The following DHRS3 variants were observed in gnomAD, a reference collection of about 807,000 sequenced individuals.
DHRS3 encodes short-chain dehydrogenase/reductase 3.
A neutral mutation model predicts 27.2 loss-of-function variants in DHRS3; 14 were observed. That is an observed-to-expected ratio of 0.52 (90% confidence interval 0.34 to 0.81). DHRS3 has a LOEUF of 0.81. Ranked by LOEUF, DHRS3 falls within the 30% of genes least tolerant of loss-of-function variation. The probability of loss-of-function intolerance (pLI) is 0.01; values close to 1 mark genes in which losing one functional copy is unlikely to be tolerated. For synonymous variants in DHRS3, 165 were observed against 175.9 expected (o/e 0.94, Z 0.49); for missense variants, 322 against 406.2 (o/e 0.79, Z 1.78).
At chr1:12,615,446 C>T (rs1230836528) in intron 1 of DHRS3, among the ~76,000 whole-genome samples, 1 of 152,220 alleles carries the variant, frequency 6.6e-6, no homozygotes, top group Non-Finnish European at 1.5e-5. Flanking sequence ...GGTGCGTGAA[C>T]TTGCAGGCTC....
intron 1 of DHRS3, among the ~76,000 whole-genome samples, chr1:12,595,687 AGGAAGGCCGAGGTGCG>A (rs1646790458): frequency 6.9e-6 from 1 of 143,960 alleles, no homozygotes; most frequent in South Asian, 2.2e-4. Flanking sequence ...CGGGCGGCGA[AGGAAGGCCGAGGTGCG>A]GTCAGGGTGC....
Position 12,580,663 on chromosome 1 carries a change from C to A in DHRS3, c.199G>T (p.Val67Phe). Residue 67 changes from valine to phenylalanine, a missense_variant, in exon 2 of 6, where the codon GTT (valine) becomes TTT (phenylalanine). Physicochemically the swap from Val to Phe is conservative, Grantham distance 50. Transcript: ENST00000616661. Reference protein sequence around the residue: ...EFAERGARKIVLWGRTEKCLK... With the variant: ...EFAERGARKIFLWGRTEKCLK... ...CATTTCTCAGTCCGGCCCCAGAGAA[C>A]AATCTGGAAGAAGATAATAACAACG... is the stretch of plus-strand genomic sequence containing the variant. 6.2e-7 allele frequency: 1 copy of A among 1,612,564 alleles called. No homozygotes were observed. The highest frequency in any genetic ancestry group is 8.5e-7 in the Non-Finnish European group (1 of 1,178,952).
In DHRS3 at chr1:12,594,507, G is replaced by A. The variant is rs1338723564; in HGVS notation, c.196-13841C>T. 6.6e-6 allele frequency among the ~76,000 whole-genome samples: 1 copy of A among 152,182 alleles called. No homozygotes were observed. Among genetic ancestry groups the A allele is most frequent in the Non-Finnish European group, 1.5e-5 (1 of 68,034 alleles). On this transcript the variant is annotated intron_variant, in intron 1 of 5. Transcript: ENST00000616661. The surrounding 1 kb of genome is among the most constrained non-coding windows in gnomAD (Gnocchi z 4.1). ...ATGGGAGGAACACATAGCTTTGTAG[G>A]GGGTTGGAGGGAGTGATTATGGGGT...
chr1:12,614,635 TCTCC>T (rs1471462263), intron 1 of DHRS3, among the ~76,000 whole-genome samples: 2 of 150,212 alleles, frequency 1.3e-5, no homozygotes, highest in African/African-American at 4.9e-5. Context: ...TTGTCAACTC[TCTCC>T]CTCCTTCCCA....
chr1:12,581,874 C>T (rs561585193), intron 1 of DHRS3, among the ~76,000 whole-genome samples: 85 of 152,278 alleles, frequency 5.6e-4, no homozygotes, highest in Middle Eastern at 6.8e-3. Context: ...TTTGGGAATT[C>T]GTCCGGTGGG....
At chr1:12,588,256 C>G (rs1646714793) in intron 1 of DHRS3, among the ~76,000 whole-genome samples, 1 of 152,228 alleles carries the variant, frequency 6.6e-6, no homozygotes, top group East Asian at 1.9e-4. Flanking sequence ...ACAACAACAG[C>G]ACCACCACTA....
intron 1 of DHRS3, among the ~76,000 whole-genome samples, chr1:12,614,256 C>T (rs1646929246): frequency 6.6e-6 from 1 of 152,162 alleles, no homozygotes; most frequent in Non-Finnish European, 1.5e-5. Flanking sequence ...CTGCTAACAC[C>T]ATGTCAAACT....
chr1:12,595,192 G>C (rs1268620313), intron 1 of DHRS3, among the ~76,000 whole-genome samples: 2 of 152,204 alleles, frequency 1.3e-5, no homozygotes, highest in African/African-American at 4.8e-5. Flanking sequence ...GCGCAGCGGG[G>C]GTGAGCCCAG....
intron 1 of DHRS3, 71 bp from the exon 2 acceptor site, chr1:12,580,737 A>T: frequency 5.9e-6 from 9 of 1,534,192 alleles, no homozygotes; most frequent in Non-Finnish European, 7.9e-6. Context: ...TGCCACCAGA[A>T]ATTCAGGATT....
intron 5 of DHRS3, among the ~76,000 whole-genome samples, chr1:12,571,526 ATTTTTTTT>A (rs371364169): frequency 1.6e-5 from 2 of 126,770 alleles, no homozygotes; most frequent in African/African-American, 3.1e-5. Flanking sequence ...TGTGAGGTCA[ATTTTTTTT>A]TTTTTTTTTT....
At chr1:12,612,369 C>T (rs1331210879) in intron 1 of DHRS3, among the ~76,000 whole-genome samples, 1 of 152,180 alleles carries the variant, frequency 6.6e-6, no homozygotes, top group Non-Finnish European at 1.5e-5. Context: ...GAGGTGTAAA[C>T]TCCCTGCTTA....
intron 4 of DHRS3, among the ~76,000 whole-genome samples, chr1:12,577,411 C>T (rs1170395076): frequency 1.3e-5 from 2 of 152,198 alleles, no homozygotes; most frequent in Non-Finnish European, 2.9e-5. Context: ...TCACAGAGTA[C>T]ATCACAGCTA....
chr1:12,579,964 C>T (rs1289489483), intron 2 of DHRS3: 5 of 184,982 alleles, frequency 2.7e-5, no homozygotes, highest in Admixed American at 1.1e-4. Context: ...GGCCGTACCA[C>T]CAGCAGCCAC....
chr1:12,591,722 C>T lies in DHRS3; in HGVS notation c.196-11056G>A, dbSNP rs1240263554. ...GGGCTATGTAATTCCAAGCGGTAAG[C>T]GGTAGAGCTGGGACCTCAACTTATG... On this transcript the variant is annotated intron_variant, in intron 1 of 5. Transcript: ENST00000616661. The surrounding 1 kb of genome is among the most constrained non-coding windows in gnomAD (Gnocchi z 4.1). 6.6e-6 allele frequency among the ~76,000 whole-genome samples: 1 copy of T among 152,240 alleles called. No individual in the cohort carries two copies. Among genetic ancestry groups the T allele is most frequent in the African/African-American group, 2.4e-5 (1 of 41,470 alleles).
intron 1 of DHRS3, among the ~76,000 whole-genome samples, chr1:12,595,310 G>C (rs1461459752): frequency 1.3e-5 from 2 of 152,126 alleles, no homozygotes; most frequent in African/African-American, 2.4e-5. Flanking sequence ...ACATGATGGC[G>C]TGAGGGGGTG....
At chr1:12,596,599 C>A (rs1233064734) in intron 1 of DHRS3, among the ~76,000 whole-genome samples, 1 of 152,146 alleles carries the variant, frequency 6.6e-6, no homozygotes, top group Non-Finnish European at 1.5e-5. Flanking sequence ...GCGCTCAGAG[C>A]TGAGAGCCTG....
chr1:12,616,506 G>C, intron 1 of DHRS3: 8 of 958,898 alleles, frequency 8.3e-6, no homozygotes, highest in Non-Finnish European at 9.9e-6. Context: ...GTACTGGGGG[G>C]GAGGGGACAG....
intron 1 of DHRS3, among the ~76,000 whole-genome samples, chr1:12,614,910 C>T (rs936881646): frequency 3.9e-5 from 6 of 152,202 alleles, no homozygotes; most frequent in South Asian, 2.1e-4. Context: ...CTGCAGGCTG[C>T]GGGTGGCACT....
intron 1 of DHRS3, chr1:12,616,742 G>T (rs896816341): frequency 1.3e-5 from 13 of 1,010,632 alleles, no homozygotes; most frequent in Non-Finnish European, 1.5e-5. Context: ...AATACGAGGC[G>T]CCAGCTAGCA....
Sources: gnomAD v4.1 joint callset for allele counts (sites outside exome capture counted in the v4.1 genomes callset) on GRCh38, gnomAD v4.1.1 for gene constraint, Gnocchi (gnomAD v3.1) non-coding constraint, MANE v1.5 for transcripts, NCBI Gene and HGNC (gene_info 2026-07-23, HGNC 2026-07-21) for gene names.